Variants in GALNTL6 observed in about 807,000 individuals in gnomAD.
GALNTL6 encodes polypeptide N-acetylgalactosaminyltransferase like 6.
A neutral mutation model predicts 73.7 loss-of-function variants in GALNTL6; 46 were observed. That is an observed-to-expected ratio of 0.62 (90% CI 0.49 to 0.80). The LOEUF is 0.80. Ranked by LOEUF, GALNTL6 falls within the 30% of genes least tolerant of loss-of-function variation. The pLI, the probability that GALNTL6 is intolerant of heterozygous loss-of-function variation, is 0.00. For synonymous variants in GALNTL6, 259 were observed against 263.7 expected (o/e 0.98, Z 0.17); for missense variants, 604 against 755.0 (o/e 0.80, Z 2.34).
intron 5 of GALNTL6, among the ~76,000 whole-genome samples, chr4:172,422,294 C>A (rs1160452): frequency 0.41 from 62,904 of 151,922 alleles, 15,742 homozygotes; most frequent in South Asian, 0.64. Context: ...TCTGTTCTTG[C>A]TAAGGATACC....
chr4:171,910,259 G>A (rs1170827281), intron 2 of GALNTL6, among the ~76,000 whole-genome samples: 2 of 151,638 alleles, frequency 1.3e-5, no homozygotes, highest in South Asian at 2.1e-4. Flanking sequence ...TCTGAATTGC[G>A]CTAATTTTTT....
At chr4:171,881,917 G>T (rs879259126) in intron 2 of GALNTL6, among the ~76,000 whole-genome samples, 10 of 152,174 alleles carry the variant, frequency 6.6e-5, no homozygotes, top group Non-Finnish European at 8.8e-5. Context: ...CCATATGTGA[G>T]CAAAAAGTAA....
At chr4:172,317,966 G>T (rs950540824) in intron 4 of GALNTL6, among the ~76,000 whole-genome samples, 2 of 152,080 alleles carry the variant, frequency 1.3e-5, no homozygotes, top group Admixed American at 6.5e-5. Context: ...AGACAGAGAT[G>T]GGAAATGTAT....
At chr4:172,958,069 G>A (rs1396084880) in intron 10 of GALNTL6, among the ~76,000 whole-genome samples, 1 of 152,216 alleles carries the variant, frequency 6.6e-6, no homozygotes, top group Non-Finnish European at 1.5e-5. Context: ...AATGGTAACT[G>A]TGGGAGACTC....
At chr4:172,025,831 G>GTT (rs1741556134) in intron 2 of GALNTL6, among the ~76,000 whole-genome samples, 2 of 151,726 alleles carry the variant, frequency 1.3e-5, no homozygotes, top group African/African-American at 2.4e-5. Flanking sequence ...GTGTTTAACT[G>GTT]TTTATGAAGG....
intron 5 of GALNTL6, among the ~76,000 whole-genome samples, chr4:172,403,395 C>T (rs868700093): frequency 2.4e-4 from 36 of 152,042 alleles, no homozygotes; most frequent in Non-Finnish European, 1.5e-5. Context: ...TATATTTGGC[C>T]GTACATGCCA....
chr4:172,426,306 T>C (rs1731224935), intron 5 of GALNTL6, among the ~76,000 whole-genome samples: 1 of 150,840 alleles, frequency 6.6e-6, no homozygotes, highest in Non-Finnish European at 1.5e-5. Context: ...TGTTAAAACA[T>C]CTATGAAATA....
intron 3 of GALNTL6, among the ~76,000 whole-genome samples, chr4:172,260,457 AT>A (rs1352801308): frequency 6.6e-6 from 1 of 151,704 alleles, no homozygotes; most frequent in African/African-American, 2.4e-5. Flanking sequence ...TTGATTTTGT[AT>A]CCTGAAATTT....
At chr4:172,892,517 G>A (rs544177198) in intron 8 of GALNTL6, among the ~76,000 whole-genome samples, 71 of 152,080 alleles carry the variant, frequency 4.7e-4, no homozygotes, top group African/African-American at 1.7e-3. Flanking sequence ...ACCAGTAGAC[G>A]GCGCTTAAGA....
At chr4:172,060,121 G>A (rs1731151185) in intron 2 of GALNTL6, among the ~76,000 whole-genome samples, 1 of 151,990 alleles carries the variant, frequency 6.6e-6, no homozygotes, top group South Asian at 2.1e-4. Context: ...AATTCACCAG[G>A]AGAGAAAAAA....
intron 2 of GALNTL6, among the ~76,000 whole-genome samples, chr4:172,224,662 T>C (rs2110955794): frequency 6.6e-6 from 1 of 152,272 alleles, no homozygotes; most frequent in South Asian, 2.1e-4. Context: ...TTTGTAACAG[T>C]AGCAGGCATC....
intron 5 of GALNTL6, among the ~76,000 whole-genome samples, chr4:172,395,783 T>C (rs1252459522): frequency 6.6e-6 from 1 of 152,100 alleles, no homozygotes; most frequent in Non-Finnish European, 1.5e-5. Context: ...TGGGCAAAAA[T>C]TAGTTTCAAA....
At chr4:171,884,446 G>T (rs776270202) in intron 2 of GALNTL6, among the ~76,000 whole-genome samples, 3 of 151,950 alleles carry the variant, frequency 2.0e-5, no homozygotes, top group Non-Finnish European at 2.9e-5. Context: ...AGAGAAAACA[G>T]GCACAAGAAG....
rs577404075 is a variant in GALNTL6, at chr4:172,966,515, T to C, written c.1371+14257T>C. Among the ~76,000 whole-genome samples the C allele has an allele frequency of 1.1e-4, 17 of 152,122 alleles. No individual in the cohort carries two copies. The East Asian group carries it at 3.1e-3, about 28-fold the overall frequency. On this transcript the variant is annotated intron_variant, in intron 10 of 12. Transcript: ENST00000506823. ...GTTCAAGCGACTCTCCTGCCTCAGC[T>C]TCCCAAGTAGCTGGGATTACAGGCA...
chr4:172,481,618 A>G (rs1459147609), intron 5 of GALNTL6, among the ~76,000 whole-genome samples: 6 of 152,180 alleles, frequency 3.9e-5, no homozygotes, highest in African/African-American at 7.2e-5. Flanking sequence ...AGCTAGACAC[A>G]GAGTGCTGAT....
chr4:172,180,505 A>C (rs1181848302), intron 2 of GALNTL6, among the ~76,000 whole-genome samples: 2 of 151,896 alleles, frequency 1.3e-5, no homozygotes, highest in South Asian at 2.1e-4. Context: ...TTGGTGTGTT[A>C]GTCATGAAGT....
At chr4:172,321,773 G>A (rs1740763327) in intron 4 of GALNTL6, among the ~76,000 whole-genome samples, 1 of 152,162 alleles carries the variant, frequency 6.6e-6, no homozygotes, top group Non-Finnish European at 1.5e-5. Flanking sequence ...CAAAAGCAGG[G>A]CAGGAGAGGG....
At chr4:172,870,067 A>ATCG (rs1269367674) in intron 7 of GALNTL6, among the ~76,000 whole-genome samples, 1 of 143,806 alleles carries the variant, frequency 7.0e-6, no homozygotes, top group African/African-American at 2.6e-5. Flanking sequence ...CATCATCATC[A>ATCG]TCATCATCAT....
chr4:172,950,578 G>T (rs766628172), intron 9 of GALNTL6, among the ~76,000 whole-genome samples: 1 of 152,186 alleles, frequency 6.6e-6, no homozygotes, highest in Admixed American at 6.5e-5. Context: ...CTGAACACAC[G>T]GAGTGGATGG....
Sources: gnomAD v4.1 joint callset for allele counts (sites outside exome capture counted in the v4.1 genomes callset) on GRCh38, gnomAD v4.1.1 for gene constraint, MANE v1.5 for transcripts, NCBI Gene and HGNC (gene_info 2026-07-23, HGNC 2026-07-21) for gene names.